Variants in RAD54L2 observed in about 807,000 individuals in gnomAD.
RAD54L2 encodes the protein RAD54 like 2.
In RAD54L2, 27 loss-of-function variants were observed where a neutral mutation model predicts 138.4. The observed-to-expected ratio is 0.20, with a 90% CI of 0.14 to 0.27. The LOEUF is 0.27. RAD54L2 is among the 10% of genes least tolerant of loss of function. RAD54L2 has a pLI of 1.00. For missense variants in RAD54L2, 1,396 were observed against 1,890.2 expected (o/e 0.74, Z 4.85); for synonymous variants, 644 against 723.2 (o/e 0.89, Z 1.76).
rs9856830 is a variant in RAD54L2 at position 51,668,086 on chromosome 3, A to T, written c.*4666A>T. On this transcript the variant is annotated 3_prime_UTR_variant, in exon 23 of 23. Transcript: ENST00000684192. ...CCAGCTGTGTGTGTGTGTGTGTGTG[A>T]GTGTGTGTGTGTGTGTTTGTGTGCT... is the stretch of plus-strand genomic sequence containing the variant. 5,362 of 146,550 alleles carry T rather than the reference A, an allele frequency of 0.037. 328 individuals carry two copies. Among genetic ancestry groups the T allele is most frequent in the African/African-American group, 0.13 (4,974 of 38,664 alleles). The allele number at this position is 146,550 out of a possible 1,614,324, so 9.1% of individuals were successfully genotyped here. A position where few individuals can be genotyped will look rare whatever the true frequency, so the allele number is the denominator to read the frequency against.
intron 4 of RAD54L2, 23 bp downstream of exon 4, chr3:51,627,777 G>A: frequency 1.9e-6 from 3 of 1,611,534 alleles, no homozygotes; most frequent in Non-Finnish European, 2.5e-6. Flanking sequence ...CTGTGTAAGA[G>A]GAGAGGGAAA....
chr3:51,612,625 C>T (rs1241092123), intron 3 of RAD54L2, among the ~76,000 whole-genome samples: 2 of 149,608 alleles, frequency 1.3e-5, no homozygotes, highest in Non-Finnish European at 3.0e-5. Context: ...TACTTATATA[C>T]TTATGTTGTT....
At chr3:51,616,483 T>G (rs550030014) in intron 3 of RAD54L2, among the ~76,000 whole-genome samples, 16 of 152,188 alleles carry the variant, frequency 1.1e-4, no homozygotes, top group Non-Finnish European at 2.2e-4. Flanking sequence ...ATATTTCACA[T>G]GTACATGACT....
At chr3:51,653,697 T>C (rs959632915) in intron 19 of RAD54L2, among the ~76,000 whole-genome samples, 13 of 151,884 alleles carry the variant, frequency 8.6e-5, no homozygotes, top group African/African-American at 1.2e-4. Context: ...AACCAAACAC[T>C]GCATGTTCTC....
chr3:51,594,860 CTTTTTTTTTTT>C (rs71278623), intron 3 of RAD54L2, among the ~76,000 whole-genome samples: 155 of 33,594 alleles, frequency 4.6e-3, no homozygotes, highest in East Asian at 0.022. Context: ...TTGATGGGCG[CTTTTTTTTTTT>C]TTTTTTTTTT....
chr3:51,571,656 C>G (rs1487137866), intron 2 of RAD54L2, among the ~76,000 whole-genome samples: 4 of 152,050 alleles, frequency 2.6e-5, no homozygotes, highest in Non-Finnish European at 4.4e-5. Flanking sequence ...GCGTGAACCA[C>G]CATGCCTGTC....
Position 51,639,667 on chromosome 3 carries a change from A to G in RAD54L2, c.2109A>G (p.Glu703=), listed in dbSNP as rs765155975. 1 of 1,613,560 alleles carries G rather than the reference A, an allele frequency of 6.2e-7. No homozygotes were observed. Among genetic ancestry groups the G allele is most frequent in the South Asian group, 1.1e-5 (1 of 90,962 alleles). ...GAGGCAACAACATTGTCACATATGA[A>G]TGGGTGAGTCAAGCAGATCCTTCAG... The part of the protein sequence containing the change: ...QERGNNIVTY[E]WAKDLLTNYQ... The change falls in exon 13 of 23, where the codon GAA becomes GAG. Residue 703 remains glutamate (E), a synonymous_variant. Coordinates refer to ENST00000684192, the MANE Select transcript of RAD54L2 (RefSeq NM_015106.4).
At chr3:51,576,306 C>G (rs1699479956) in intron 2 of RAD54L2, among the ~76,000 whole-genome samples, 2 of 152,074 alleles carry the variant, frequency 1.3e-5, no homozygotes, top group Non-Finnish European at 2.9e-5. Context: ...GTCTAAAATT[C>G]TCTTTTTTTG....
At chr3:51,635,869 A>G in intron 10 of RAD54L2, 80 bp downstream of exon 10, 2 of 1,356,806 alleles carry the variant, frequency 1.5e-6, no homozygotes, top group Middle Eastern at 2.3e-4. Context: ...ACCTAGTCAG[A>G]TGTAAAGTGC....
Position 51,660,123 on chromosome 3 carries a change from G to A in RAD54L2, c.3409+5G>A, listed in dbSNP as rs1258384713. The A allele has an allele frequency of 6.3e-7, 1 of 1,592,760 alleles. No individual in the cohort carries two copies. Among genetic ancestry groups the A allele is most frequent in the Admixed American group, 1.7e-5 (1 of 59,348 alleles). ...ATGGTCGGATGGCTGCCTCAGGTGT[G>A]ATGGCTTTTACTTTCCATTTTACTT... On this transcript the variant is annotated splice_donor_5th_base_variant and intron_variant, in intron 22 of 22. Coordinates refer to ENST00000684192, the MANE Select transcript of RAD54L2 (RefSeq NM_015106.4).
chr3:51,568,683 C>T (rs891756065), intron 2 of RAD54L2, among the ~76,000 whole-genome samples: 19 of 152,162 alleles, frequency 1.2e-4, no homozygotes, highest in African/African-American at 4.6e-4. Flanking sequence ...GTACTCTTAA[C>T]TGCTCTAGGA....
intron 1 of RAD54L2, among the ~76,000 whole-genome samples, chr3:51,540,224 C>G (rs1553671057): frequency 6.6e-6 from 1 of 152,178 alleles, no homozygotes; most frequent in African/African-American, 2.4e-5. Flanking sequence ...GATAAGAAAA[C>G]TCTAACATTT....
intron 3 of RAD54L2, among the ~76,000 whole-genome samples, chr3:51,598,014 T>TGA (rs1384643805): frequency 6.8e-6 from 1 of 146,802 alleles, no homozygotes; most frequent in African/African-American, 2.5e-5. Context: ...CCAGAACTCC[T>TGA]GAGAGAGAGA....
chr3:51,663,268 G>A lies in RAD54L2; in HGVS notation c.4252G>A (p.Gly1418Ser), dbSNP rs201029764. 7.4e-6 allele frequency: 12 copies of A among 1,613,762 alleles called. No individual in the cohort carries two copies. Among genetic ancestry groups the A allele is most frequent in the Non-Finnish European group, 1.0e-5 (12 of 1,179,882 alleles). Reference protein sequence around the residue: ...NLSRGMSIYPGYMSPHAGYPA... With the variant: ...NLSRGMSIYPSYMSPHAGYPA... The stretch of plus-strand genomic sequence containing the variant: ...TTCGCGGGGCATGTCTATCTATCCA[G>A]GCTACATGTCCCCACATGCAGGCTA... Residue 1418 changes from glycine (G) to serine (S), a missense_variant, in exon 23 of 23, where the codon GGC becomes AGC. This residue lies in a region of RAD54L2 where 634 missense variants were observed against 711.2 expected (regional missense o/e 0.89). Coordinates refer to ENST00000684192, the MANE Select transcript of RAD54L2 (RefSeq NM_015106.4).
In RAD54L2 at chr3:51,583,726, C is replaced by A. The variant is rs114312489; in HGVS notation, c.-54-6641C>A. ...ACAGGCATGAGCCACCACGCCCGGC[C>A]GACAAGTGGTAGCTTCTTAAAGGTT... is the stretch of plus-strand genomic sequence containing the variant. On this transcript the variant is annotated intron_variant, in intron 2 of 22. Coordinates refer to ENST00000684192, the MANE Select transcript of RAD54L2 (RefSeq NM_015106.4). Among the ~76,000 whole-genome samples the A allele has an allele frequency of 6.2e-3, 948 of 151,780 alleles. 11 individuals carry two copies. The highest frequency in any genetic ancestry group is 0.022 in the African/African-American group (908 of 41,370).
At chr3:51,608,635 G>T (rs999501300) in intron 3 of RAD54L2, among the ~76,000 whole-genome samples, 1 of 152,224 alleles carries the variant, frequency 6.6e-6, no homozygotes, top group Non-Finnish European at 1.5e-5. Flanking sequence ...GACCAGCCCG[G>T]CCAACACGGC....
chr3:51,560,088 CTG>C (rs1277445975), intron 2 of RAD54L2, among the ~76,000 whole-genome samples: 32 of 150,852 alleles, frequency 2.1e-4, no homozygotes, highest in African/African-American at 6.7e-4. Flanking sequence ...TTAAGTGGTG[CTG>C]TTAAACCAGG....
intron 7 of RAD54L2, among the ~76,000 whole-genome samples, chr3:51,633,144 C>G (rs1002594282): frequency 6.6e-6 from 1 of 151,796 alleles, no homozygotes; most frequent in African/African-American, 2.4e-5. Flanking sequence ...CGCTTGAACC[C>G]GGGAGGCAGA....
intron 2 of RAD54L2, among the ~76,000 whole-genome samples, chr3:51,571,697 G>A (rs1270089314): frequency 6.6e-6 from 1 of 152,004 alleles, no homozygotes; most frequent in African/African-American, 2.4e-5. Context: ...GATGAGTGGT[G>A]GGACATGCAT....
Sources: gnomAD v4.1 joint callset for allele counts (sites outside exome capture counted in the v4.1 genomes callset) on GRCh38, gnomAD v4.1.1 for gene constraint, gnomAD v4.1.1 regional missense constraint, MANE v1.5 for transcripts, NCBI Gene and HGNC (gene_info 2026-07-23, HGNC 2026-07-21) for gene names.